CACNA1C: variants seen among roughly 807,000 people sequenced by gnomAD.
CACNA1C encodes calcium voltage-gated channel subunit alpha1 C.
A neutral mutation model predicts 229.0 loss-of-function variants in CACNA1C; 30 were observed. That is an observed-to-expected ratio of 0.13 (90% CI 0.10 to 0.18). CACNA1C has a LOEUF of 0.18. CACNA1C is among the 10% of genes least tolerant of loss of function. CACNA1C has a pLI of 1.00. For synonymous variants in CACNA1C, 1,114 were observed against 1,132.5 expected, an observed-to-expected ratio of 0.98 and a Z score of 0.33; for missense variants, 1,658 against 2,845.0, an observed-to-expected ratio of 0.58 and a Z score of 9.49.
chr12:2,026,917 G>C (rs2047423489), intron 1 of CACNA1C, among the ~76,000 whole-genome samples: 1 of 152,140 alleles, frequency 6.6e-6, no homozygotes. Flanking sequence ...TGTGTACCCT[G>C]TTATGTTTTA....
intron 3 of CACNA1C, among the ~76,000 whole-genome samples, chr12:2,430,628 G>A (rs568738000): frequency 7.2e-5 from 11 of 152,216 alleles, no homozygotes; most frequent in Middle Eastern, 3.4e-3. Context: ...TATGTGCTCC[G>A]TAAACACTTC....
intron 3 of CACNA1C, among the ~76,000 whole-genome samples, chr12:2,369,252 G>T (rs2097790786): frequency 6.6e-6 from 1 of 152,108 alleles, no homozygotes; most frequent in South Asian, 2.1e-4. Context: ...TAACTTTAAG[G>T]TGCTTCTCTA....
intron 3 of CACNA1C, among the ~76,000 whole-genome samples, chr12:2,147,165 G>T (rs912084459): frequency 2.6e-5 from 4 of 151,046 alleles, no homozygotes; most frequent in Non-Finnish European, 4.4e-5. Context: ...ACTGAGAGAG[G>T]GGGGGAACCT....
chr12:2,113,048 T>G lies in CACNA1C; in HGVS notation c.50-2176T>G, dbSNP rs138140194. Among the ~76,000 whole-genome samples the G allele has an allele frequency of 3.3e-5, 5 of 152,194 alleles. No homozygotes were observed. The East Asian group carries it at 7.7e-4, about 24-fold the overall frequency. ...TAAGTCACTTAAACATCACAGTGTGTGGGGGAAAATCACTTGGAGAAGGGG... is the reference window on the plus strand; with the variant it reads ...TAAGTCACTTAAACATCACAGTGTGGGGGGGAAAATCACTTGGAGAAGGGG... On this transcript the variant is annotated intron_variant, in intron 1 of 46. Coordinates refer to ENST00000399655, the MANE Select transcript of CACNA1C (RefSeq NM_000719.7).
intron 1 of CACNA1C, among the ~76,000 whole-genome samples, chr12:2,068,380 G>A (rs7314860): frequency 0.2 from 30,209 of 152,086 alleles, 3,157 homozygotes; most frequent in African/African-American, 0.27. Context: ...GGCCTTTCCC[G>A]GAGGCAGGCA....
intron 3 of CACNA1C, among the ~76,000 whole-genome samples, chr12:2,438,343 G>GATGATGGTGGTGGTA (rs1163596973): frequency 1.5e-4 from 15 of 97,010 alleles, no homozygotes; most frequent in South Asian, 1.2e-3. Flanking sequence ...TGATGATAAT[G>GATGATGGTGGTGGTA]ATGATGGTGG....
chr12:2,410,153 G>A lies in CACNA1C; in HGVS notation c.478-38823G>A, dbSNP rs1007304676. Among the ~76,000 whole-genome samples the A allele has an allele frequency of 2.0e-5, 3 of 152,212 alleles. No individual in the cohort carries two copies. Among genetic ancestry groups the A allele is most frequent in the African/African-American group, 7.2e-5 (3 of 41,454 alleles). The stretch of plus-strand genomic sequence containing the variant: ...CTTGGATGGTGGGCTCATGCATTCT[G>A]TTCCCACTCCAATCTGCCAGAGGGA... On this transcript the variant is annotated intron_variant, in intron 3 of 46. Coordinates refer to ENST00000399655, the MANE Select transcript of CACNA1C (RefSeq NM_000719.7). This position sits in a 1 kb window ranked among gnomAD's most constrained non-coding sequence, Gnocchi z 5.3.
intron 1 of CACNA1C, among the ~76,000 whole-genome samples, chr12:1,981,128 C>A (rs1385843447): frequency 6.6e-6 from 1 of 152,142 alleles, no homozygotes; most frequent in Non-Finnish European, 1.5e-5. Context: ...CTCACAATCA[C>A]CTCTAGGAAC....
At chr12:2,502,997 A>AT (rs1313475715) in intron 7 of CACNA1C, among the ~76,000 whole-genome samples, 1 of 152,228 alleles carries the variant, frequency 6.6e-6, no homozygotes, top group Non-Finnish European at 1.5e-5. Context: ...GATGTTTCTG[A>AT]TGCTGGTGGT....
In CACNA1C at chr12:2,575,690, G is replaced by A. The variant is rs2058132336; in HGVS notation, c.1896-5900G>A. Among the ~76,000 whole-genome samples the A allele has an allele frequency of 6.6e-6, 1 of 152,150 alleles. No individual in the cohort carries two copies. On this transcript the variant is annotated intron_variant, in intron 13 of 46. Coordinates refer to ENST00000399655, the MANE Select transcript of CACNA1C (RefSeq NM_000719.7). The surrounding 1 kb of genome is among the most constrained non-coding windows in gnomAD (Gnocchi z 4.0). Reference sequence around the variant, plus strand: ...ACATTTTGGGCAGGTATCAAACTCAGTTATGACCTTCTCTGGAACACAGAG... The same window carrying A: ...ACATTTTGGGCAGGTATCAAACTCAATTATGACCTTCTCTGGAACACAGAG...
At chr12:2,060,540 C>G (rs536299946) in intron 1 of CACNA1C, among the ~76,000 whole-genome samples, 1 of 152,206 alleles carries the variant, frequency 6.6e-6, no homozygotes, top group African/African-American at 2.4e-5. Context: ...TTGTTTCATA[C>G]TCTTTCAAGT....
chr12:2,302,232 T>A (rs1409415686), intron 3 of CACNA1C, among the ~76,000 whole-genome samples: 2 of 152,010 alleles, frequency 1.3e-5, no homozygotes, highest in African/African-American at 4.8e-5. Context: ...CGCCATTCTC[T>A]CCCACTGCTG....
chr12:2,452,902 C>T (rs1158272349), intron 4 of CACNA1C, among the ~76,000 whole-genome samples: 1 of 152,214 alleles, frequency 6.6e-6, no homozygotes, highest in Non-Finnish European at 1.5e-5. Flanking sequence ...CCTCAGGTTT[C>T]AGTGATCTAG....
intron 3 of CACNA1C, among the ~76,000 whole-genome samples, chr12:2,205,278 T>C (rs1470056311): frequency 1.3e-5 from 2 of 152,188 alleles, no homozygotes; most frequent in African/African-American, 4.8e-5. Flanking sequence ...GAACCAGTCC[T>C]GAGAGGCCAG....
At chr12:2,208,223 G>A (rs1485336573) in intron 3 of CACNA1C, among the ~76,000 whole-genome samples, 1 of 151,758 alleles carries the variant, frequency 6.6e-6, no homozygotes, top group African/African-American at 2.4e-5. Context: ...TGCCCAGCCT[G>A]AACTTCTCTA....
rs1163096499 is a variant in CACNA1C at position 2,633,408 on chromosome 12, G to A, written c.3829-889G>A. Among the ~76,000 whole-genome samples the A allele has an allele frequency of 6.6e-6, 1 of 152,188 alleles. No individual in the cohort carries two copies. Among genetic ancestry groups the A allele is most frequent in the East Asian group, 1.9e-4 (1 of 5,194 alleles). ...GGGTGGGTGGATCTGTAGGATGGGG[G>A]CCACGTGACCGAGGGAATGCGGGCA... On this transcript the variant is annotated intron_variant, in intron 29 of 46. Coordinates refer to ENST00000399655, the MANE Select transcript of CACNA1C (RefSeq NM_000719.7). The surrounding 1 kb of genome is among the most constrained non-coding windows in gnomAD (Gnocchi z 5.8).
chr12:2,372,412 C>G (rs1181990324), intron 3 of CACNA1C, among the ~76,000 whole-genome samples: 1 of 152,152 alleles, frequency 6.6e-6, no homozygotes, highest in East Asian at 1.9e-4. Flanking sequence ...GGGGAGAAAT[C>G]TGGTTCCTAT....
chr12:2,587,952 C>T (rs1421347740), intron 18 of CACNA1C, among the ~76,000 whole-genome samples: 1 of 152,182 alleles, frequency 6.6e-6, no homozygotes. Context: ...TCCAGGTCCT[C>T]ATCCAGGAGG....
chr12:2,620,556 T>C (rs2239123), intron 29 of CACNA1C, among the ~76,000 whole-genome samples: 111,138 of 151,770 alleles, frequency 0.73, 42,877 homozygotes, highest in Non-Finnish European at 0.85. Context: ...CCCCTTGCCG[T>C]CCTTCCCTCT....
Sources: allele counts gnomAD v4.1 joint callset (sites outside exome capture counted in the v4.1 genomes callset), GRCh38; gene constraint gnomAD v4.1.1; non-coding constraint Gnocchi (gnomAD v3.1); transcripts MANE v1.5; gene names NCBI Gene and HGNC (gene_info 2026-07-23, HGNC 2026-07-21).